CCDC85C: variants seen among roughly 807,000 people sequenced by gnomAD.
The protein encoded by CCDC85C is coiled-coil domain-containing protein 85C.
CCDC85C carries 18 observed loss-of-function variants against 38.3 expected under a neutral mutation model. The observed-to-expected ratio is 0.47, with a 90% CI of 0.33 to 0.70. CCDC85C has a LOEUF of 0.70. Among genes scored for constraint, CCDC85C ranks in the 30% least tolerant of loss-of-function variants. The pLI is 0.03. For synonymous variants in CCDC85C, 264 were observed against 293.8 expected (o/e 0.90, Z 1.04); for missense variants, 566 against 621.2 (o/e 0.91, Z 0.94).
At chr14:99,590,616 G>T (rs2055075405) in intron 1 of CCDC85C, among the ~76,000 whole-genome samples, 2 of 152,170 alleles carry the variant, frequency 1.3e-5, no homozygotes. Context: ...CTTAAAAAAA[G>T]AAAAAAAGAA....
intron 1 of CCDC85C, among the ~76,000 whole-genome samples, chr14:99,598,063 C>T (rs1024780603): frequency 2.0e-5 from 3 of 151,908 alleles, no homozygotes; most frequent in African/African-American, 7.3e-5. Context: ...AGATCACTAA[C>T]CAGAGGGCTA....
At position 99,510,139 on chromosome 14, in the gene CCDC85C, T is replaced by TG. The variant is rs767490203; in HGVS notation, c.*5106dup. Reference sequence around the variant, plus strand: ...ATTGCTGGCGGAGGCCGGGCACTGATGCGTCTCTCTCCTGCAGACCGGAAG... The same window carrying TG: ...ATTGCTGGCGGAGGCCGGGCACTGATGGCGTCTCTCTCCTGCAGACCGGAAG... On this transcript the variant is annotated 3_prime_UTR_variant, in exon 6 of 6. Coordinates refer to ENST00000380243, the MANE Select transcript of CCDC85C (RefSeq NM_001144995.2). 1 of 1,587,206 alleles carries TG rather than the reference T, an allele frequency of 6.3e-7. No individual in the cohort carries two copies. Among genetic ancestry groups the TG allele is most frequent in the African/African-American group, 1.3e-5 (1 of 74,580 alleles).
rs1308050240 is a variant in CCDC85C, at chr14:99,515,339, T to C, written c.1171-4A>G. 1 of 1,549,574 alleles carries C rather than the reference T, an allele frequency of 6.5e-7. No homozygotes were observed. The highest frequency in any genetic ancestry group is 2.0e-5 in the Admixed American group (1 of 50,972). On this transcript the variant is annotated splice_polypyrimidine_tract_variant and splice_region_variant and intron_variant, in intron 5 of 5. Transcript: ENST00000380243. ...CTCCCAGCTTTCTCCAGACCACCTG[T>C]GGAGAGGAGAGAGATGTGAGTGGTG... is the stretch of plus-strand genomic sequence containing the variant.
chr14:99,540,615 GC>G (rs1897693805), intron 1 of CCDC85C, among the ~76,000 whole-genome samples: 1 of 152,220 alleles, frequency 6.6e-6, no homozygotes, highest in Non-Finnish European at 1.5e-5. Flanking sequence ...GTGACCCTGG[GC>G]TGGCCTGGCC....
At chr14:99,536,150 A>C (rs1595348536) in intron 1 of CCDC85C, 62 bp from the exon 2 acceptor site, 1 of 1,158,068 alleles carries the variant, frequency 8.6e-7, no homozygotes, top group Non-Finnish European at 1.3e-6. Context: ...CCATTGCGCA[A>C]CCCCGACTGG....
At chr14:99,587,881 C>T (rs2055044116) in intron 1 of CCDC85C, among the ~76,000 whole-genome samples, 1 of 152,210 alleles carries the variant, frequency 6.6e-6, no homozygotes, top group African/African-American at 2.4e-5. Flanking sequence ...CACATCACAG[C>T]CAGCCACAGA....
chr14:99,555,816 G>A (rs1247113938), intron 1 of CCDC85C, among the ~76,000 whole-genome samples: 1 of 152,194 alleles, frequency 6.6e-6, no homozygotes, highest in Non-Finnish European at 1.5e-5. Flanking sequence ...TACTTACAGA[G>A]ATTTGTATGC....
chr14:99,600,862 T>C (rs2055191273), intron 1 of CCDC85C, among the ~76,000 whole-genome samples: 1 of 152,166 alleles, frequency 6.6e-6, no homozygotes, highest in Non-Finnish European at 1.5e-5. Context: ...AGTCCCAGAA[T>C]AGAAAAGCCC....
chr14:99,554,522 G>T (rs1339767048), intron 1 of CCDC85C, among the ~76,000 whole-genome samples: 1 of 152,208 alleles, frequency 6.6e-6, no homozygotes, highest in Admixed American at 6.5e-5. Flanking sequence ...CTGGCAGCCC[G>T]CACATCACTG....
intron 3 of CCDC85C, among the ~76,000 whole-genome samples, chr14:99,521,755 A>G (rs1275805509): frequency 1.3e-5 from 2 of 152,158 alleles, no homozygotes; most frequent in Middle Eastern, 3.2e-3. Context: ...GGCAGAGGAT[A>G]CCCCTGGAGG....
intron 2 of CCDC85C, among the ~76,000 whole-genome samples, chr14:99,524,824 G>C (rs1168601536): frequency 6.6e-6 from 1 of 152,150 alleles, no homozygotes; most frequent in Non-Finnish European, 1.5e-5. Context: ...CCTTCCTCAG[G>C]GGGAGGCAGG....
At chr14:99,554,446 G>A (rs1467177475) in intron 1 of CCDC85C, among the ~76,000 whole-genome samples, 1 of 152,228 alleles carries the variant, frequency 6.6e-6, no homozygotes, top group African/African-American at 2.4e-5. Context: ...GCTCCTGCAG[G>A]GCTGTGTCTG....
chr14:99,561,210 G>A (rs1205363806), intron 1 of CCDC85C, among the ~76,000 whole-genome samples: 1 of 152,230 alleles, frequency 6.6e-6, no homozygotes, highest in East Asian at 1.9e-4. Flanking sequence ...CCAAGGCCAG[G>A]AGGAAAACTC....
Position 99,502,132 on chromosome 14 carries a change from T to C in CCDC85C, c.*13114A>G, listed in dbSNP as rs1422902181. ...GAATAAGCAAATTAATGGTTAGTTATGGCATCTCCATGCACTGGTTTAATC... is the reference window on the plus strand; with the variant it reads ...GAATAAGCAAATTAATGGTTAGTTACGGCATCTCCATGCACTGGTTTAATC... On this transcript the variant is annotated 3_prime_UTR_variant, in exon 6 of 6. Transcript: ENST00000380243. The C allele has an allele frequency of 1.2e-5, 17 of 1,430,392 alleles. No homozygotes were observed. Among genetic ancestry groups the C allele is most frequent in the Admixed American group, 8.3e-5 (3 of 36,332 alleles). 88.6% of individuals were successfully genotyped at this position (1,430,392 alleles called of 1,614,324 possible).
Position 99,504,029 on chromosome 14 carries a change from T to C in CCDC85C, c.*11217A>G. Reference sequence around the variant, plus strand: ...TGCGGGGGGGCAGTAGGGGGTGGTGTGCTGCCCGGACAGCACCAGCCCGGC... The same window carrying C: ...TGCGGGGGGGCAGTAGGGGGTGGTGCGCTGCCCGGACAGCACCAGCCCGGC... On this transcript the variant is annotated 3_prime_UTR_variant, in exon 6 of 6. Transcript: ENST00000380243. 1 of 367,476 alleles carries C rather than the reference T, an allele frequency of 2.7e-6. No homozygotes were observed. The allele number at this position is 367,476 out of a possible 1,614,324, so 22.8% of individuals were successfully genotyped here. A position where few individuals can be genotyped will look rare whatever the true frequency, so the allele number is the denominator to read the frequency against.
chr14:99,570,477 G>A (rs948606756), intron 1 of CCDC85C, among the ~76,000 whole-genome samples: 3 of 152,210 alleles, frequency 2.0e-5, no homozygotes, highest in South Asian at 4.1e-4. Flanking sequence ...GAGGAGTCAC[G>A]GCAGGGGCCA....
intron 1 of CCDC85C, among the ~76,000 whole-genome samples, chr14:99,581,937 C>A (rs956392065): frequency 2.6e-5 from 4 of 152,210 alleles, no homozygotes; most frequent in Non-Finnish European, 5.9e-5. Flanking sequence ...TGTGAACCCC[C>A]CTTGGCTTCT....
chr14:99,528,095 A>C (rs1024859157), intron 2 of CCDC85C, among the ~76,000 whole-genome samples: 5 of 152,180 alleles, frequency 3.3e-5, no homozygotes, highest in Non-Finnish European at 5.9e-5. Context: ...AAGTGCTCCC[A>C]GGAAAGAACG....
At chr14:99,595,940 C>A (rs1393767213) in intron 1 of CCDC85C, among the ~76,000 whole-genome samples, 1 of 152,248 alleles carries the variant, frequency 6.6e-6, no homozygotes, top group Non-Finnish European at 1.5e-5. Flanking sequence ...ACTTTCAGAA[C>A]CTGCCACTCT....
Sources: allele counts gnomAD v4.1 joint callset (sites outside exome capture counted in the v4.1 genomes callset), GRCh38; gene constraint gnomAD v4.1.1; transcripts MANE v1.5; gene names NCBI Gene and HGNC (gene_info 2026-07-23, HGNC 2026-07-21).